Variants in TMEM131 observed in about 807,000 individuals in gnomAD.
TMEM131 encodes 2610524E03Rik.
In TMEM131, 66 loss-of-function variants were observed where a neutral mutation model predicts 211.6. The observed-to-expected ratio is 0.31, with a 90% confidence interval of 0.26 to 0.38. The LOEUF (loss-of-function observed/expected upper bound fraction) is 0.38, where lower values mean the gene tolerates loss of function less well. Among genes scored for constraint, TMEM131 ranks in the 10% least tolerant of loss-of-function variants. The pLI is 1.00. For synonymous variants in TMEM131, 844 were observed against 841.3 expected, an observed-to-expected ratio of 1.00 and a Z score of -0.06; for missense variants, 2,036 against 2,299.3, an observed-to-expected ratio of 0.89 and a Z score of 2.34.
At chr2:97,833,878 G>C in intron 10 of TMEM131, among the ~76,000 whole-genome samples, 1 of 152,060 alleles carries the variant, frequency 6.6e-6, no homozygotes, top group Admixed American at 6.5e-5. Flanking sequence ...GGCCAGGCTA[G>C]TCTTGAACTC....
chr2:97,840,211 G>T (rs1683131860), intron 7 of TMEM131, among the ~76,000 whole-genome samples: 1 of 152,206 alleles, frequency 6.6e-6, no homozygotes, highest in Non-Finnish European at 1.5e-5. Context: ...TAGATGAATT[G>T]AATTCGAAGT....
chr2:97,958,797 G>T (rs1182994646), intron 1 of TMEM131, among the ~76,000 whole-genome samples: 1 of 152,186 alleles, frequency 6.6e-6, no homozygotes, highest in Non-Finnish European at 1.5e-5. Flanking sequence ...TTGGGGAAAG[G>T]GACACCAACA....
intron 2 of TMEM131, among the ~76,000 whole-genome samples, chr2:97,913,921 G>A (rs1320730390): frequency 6.6e-6 from 1 of 152,126 alleles, no homozygotes; most frequent in African/African-American, 2.4e-5. Context: ...CCTTGCAGGC[G>A]ATGAGACTAT....
At chr2:97,864,936 C>T (rs1206350840) in intron 4 of TMEM131, among the ~76,000 whole-genome samples, 1 of 152,234 alleles carries the variant, frequency 6.6e-6, no homozygotes, top group Admixed American at 6.5e-5. Context: ...GAAATGCTCT[C>T]CTCTAACATC....
chr2:97,948,545 C>T lies in TMEM131; in HGVS notation c.188-21058G>A, dbSNP rs192280589. Among the ~76,000 whole-genome samples the T allele has an allele frequency of 2.6e-5, 4 of 152,322 alleles. No individual in the cohort carries two copies. The East Asian group carries it at 7.7e-4, about 29-fold the overall frequency. ...AATAAAATGATTAAGATGAAAACTT[C>T]TTACCATATCAGGTGTTGGCAAGGA... On this transcript the variant is annotated intron_variant, in intron 1 of 40. Transcript: ENST00000186436.
chr2:97,764,138 T>A (rs1679040843), intron 35 of TMEM131: 1 of 152,260 alleles, frequency 6.6e-6, no homozygotes, highest in Admixed American at 6.5e-5. Context: ...GATGGAGAGA[T>A]CTTTACACAG....
intron 40 of TMEM131, among the ~76,000 whole-genome samples, chr2:97,758,233 ATC>A (rs1678613683): frequency 6.6e-6 from 1 of 152,236 alleles, no homozygotes; most frequent in African/African-American, 2.4e-5. Flanking sequence ...AACCTTTGGA[ATC>A]TGTAAAGTTG....
At position 97,813,999 on chromosome 2, in the gene TMEM131, G is replaced by A; in HGVS notation, c.1589C>T (p.Pro530Leu). Residue 530 changes from proline to leucine, a missense_variant, in exon 15 of 41, where the codon CCC becomes CTC. Pro to Leu is a moderately conservative substitution (Grantham distance 98). Around this residue, in one of 3 missense-constraint regions of TMEM131, gnomAD observed 1,623 missense variants for 1,805.9 expected, o/e 0.90. Transcript: ENST00000186436. ...TAAAAAGCCTGTGTATACCCGCACG[G>A]GTAAATGAAATTTAGAAGCATTGGT... is the stretch of plus-strand genomic sequence containing the variant. ...LITNASKFHL[P>L]VRVYTGFLDY... 1 of 1,598,628 alleles carries A rather than the reference G, an allele frequency of 6.3e-7. No individual in the cohort carries two copies. Among genetic ancestry groups the A allele is most frequent in the Non-Finnish European group, 8.5e-7 (1 of 1,171,602 alleles).
At chr2:97,761,736 T>C (rs1678863432) in intron 36 of TMEM131, 1 of 286,006 alleles carries the variant, frequency 3.5e-6, no homozygotes, top group Non-Finnish European at 6.5e-6. Flanking sequence ...CATGTAAGGC[T>C]TAGTAAATGT....
At chr2:97,820,190 T>G (rs1348684664) in intron 11 of TMEM131, among the ~76,000 whole-genome samples, 1 of 152,236 alleles carries the variant, frequency 6.6e-6, no homozygotes, top group Non-Finnish European at 1.5e-5. Context: ...CTTCAAGAAC[T>G]CCTTCTCAAT....
At chr2:97,888,322 A>T (rs1358501690) in intron 3 of TMEM131, among the ~76,000 whole-genome samples, 1 of 152,148 alleles carries the variant, frequency 6.6e-6, no homozygotes, top group African/African-American at 2.4e-5. Context: ...AAGTGGGATT[A>T]TTTTTCTTCT....
intron 7 of TMEM131, 134 bp downstream of exon 7, chr2:97,841,681 T>TACCCCTCTC: frequency 9.8e-7 from 1 of 1,016,172 alleles, no homozygotes; most frequent in East Asian, 3.0e-5. Flanking sequence ...GTACTAAAAG[T>TACCCCTCTC]AATACCCCTC....
intron 1 of TMEM131, 41 bp downstream of exon 1, chr2:97,995,435 G>T: frequency 7.6e-7 from 1 of 1,323,988 alleles, no homozygotes; most frequent in South Asian, 2.1e-5. Context: ...CGAGAGCGGG[G>T]TGACAGCCCC....
chr2:97,827,159 G>A (rs1427285979), intron 11 of TMEM131: 4 of 603,364 alleles, frequency 6.6e-6, no homozygotes. Context: ...TTGGGGAGGA[G>A]TGGCAGCGGC....
At chr2:97,856,874 C>T (rs1381990481) in intron 5 of TMEM131, among the ~76,000 whole-genome samples, 1 of 152,178 alleles carries the variant, frequency 6.6e-6, no homozygotes, top group Non-Finnish European at 1.5e-5. Context: ...AAGATTTTGG[C>T]TATCTCCTTT....
rs762442420 is a variant in TMEM131 at position 97,762,090 on chromosome 2, A to G, written c.4834T>C (p.Cys1612Arg). The G allele has an allele frequency of 1.9e-6, 3 of 1,610,436 alleles. No homozygotes were observed. In the Admixed American group the frequency reaches 5.0e-5, roughly 27 times the overall value. ...PASPSPPAAPCPFVARGSYSS... is the reference protein window; with the variant it reads ...PASPSPPAAPRPFVARGSYSS... ...TAGCTGCCCCGGGCCACAAAGGGGC[A>G]GGGGGCAGCTGGGGGAGACGGGGAA... is the stretch of plus-strand genomic sequence containing the variant. The change falls in exon 36 of 41, where the codon TGC becomes CGC. Residue 1612 changes from cysteine to arginine, a missense_variant. Transcript: ENST00000186436.
At chr2:97,765,771 A>C (rs1679132505) in intron 35 of TMEM131, among the ~76,000 whole-genome samples, 1 of 152,220 alleles carries the variant, frequency 6.6e-6, no homozygotes, top group South Asian at 2.1e-4. Flanking sequence ...AGCTAAGTCA[A>C]TACTTGTATA....
At chr2:97,911,249 T>C (rs1252194985) in intron 2 of TMEM131, among the ~76,000 whole-genome samples, 1 of 152,150 alleles carries the variant, frequency 6.6e-6, no homozygotes, top group African/African-American at 2.4e-5. Flanking sequence ...AATGTAAACT[T>C]CCTGACAGTG....
chr2:97,818,197 C>T (rs1339153154), intron 12 of TMEM131, among the ~76,000 whole-genome samples: 1 of 151,982 alleles, frequency 6.6e-6, no homozygotes, highest in African/African-American at 2.4e-5. Context: ...CTATAAAAGC[C>T]AATATATGAA....
Sources: gnomAD v4.1 joint callset for allele counts (sites outside exome capture counted in the v4.1 genomes callset) on GRCh38, gnomAD v4.1.1 for gene constraint, gnomAD v4.1.1 regional missense constraint, MANE v1.5 for transcripts, NCBI Gene and HGNC (gene_info 2026-07-23, HGNC 2026-07-21) for gene names.